The following SH3GL1 variants were observed in gnomAD, a reference collection of about 807,000 sequenced individuals.
SH3GL1 encodes the protein endophilin-A2.
Under a neutral mutation model 48.8 loss-of-function variants are expected in SH3GL1, and 21 were observed. That is an observed-to-expected ratio of 0.43 (90% confidence interval 0.30 to 0.62). SH3GL1 has a LOEUF of 0.62. SH3GL1 is among the 20% of genes least tolerant of loss of function. The pLI is 0.11. For synonymous variants in SH3GL1, 282 were observed against 217.5 expected (o/e 1.30, Z -2.61); for missense variants, 454 against 503.0 (o/e 0.90, Z 0.93).
intron 1 of SH3GL1, among the ~76,000 whole-genome samples, chr19:4,384,467 G>A (rs1162311553): frequency 2.6e-5 from 4 of 152,228 alleles, no homozygotes; most frequent in African/African-American, 9.6e-5. Context: ...GGCTAGGACT[G>A]CTGAAAACCT....
Position 4,363,465 on chromosome 19 carries a change from C to G in SH3GL1, c.633G>C (p.Gln211His). The G allele has an allele frequency of 1.2e-6, 2 of 1,612,096 alleles. No individual in the cohort carries two copies. Among genetic ancestry groups the G allele is most frequent in the Non-Finnish European group, 1.7e-6 (2 of 1,179,396 alleles). Residue 211 changes from glutamine (Q) to histidine (H), a missense_variant, in exon 7 of 10, where the codon CAG (glutamine) becomes CAC (histidine). Around this residue, in one of 2 missense-constraint regions of SH3GL1, gnomAD observed 278 missense variants for 246.8 expected, o/e 1.13. Transcript: ENST00000269886. ...MHNLLETDIE[Q>H]VSQLSALVDA... is the part of the protein sequence containing the mutation. ...CCACCAGGGCCGAGAGCTGACTCAC[C>G]TGCTCGATCTGTGGGGACAGTAGGG...
intron 1 of SH3GL1, among the ~76,000 whole-genome samples, chr19:4,371,924 T>C (rs1162670895): frequency 1.3e-5 from 2 of 152,294 alleles, no homozygotes; most frequent in African/African-American, 2.4e-5. Flanking sequence ...AGCGGAGAAA[T>C]GGCAGGTGGG....
intron 1 of SH3GL1, among the ~76,000 whole-genome samples, chr19:4,383,839 T>C (rs976863253): frequency 1.3e-5 from 2 of 151,902 alleles, no homozygotes; most frequent in African/African-American, 4.8e-5. Flanking sequence ...CGGAACACAA[T>C]GCGAGAGCCG....
intron 1 of SH3GL1, among the ~76,000 whole-genome samples, chr19:4,387,324 G>C (rs928736319): frequency 6.8e-6 from 1 of 146,096 alleles, no homozygotes. Context: ...TTTTAGGCAG[G>C]GTCTTGCTCT....
intron 1 of SH3GL1, among the ~76,000 whole-genome samples, chr19:4,371,970 G>C (rs1340018147): frequency 1.3e-5 from 2 of 152,216 alleles, no homozygotes; most frequent in Non-Finnish European, 2.9e-5. Context: ...CCTGTGACAA[G>C]GCCTCATCTT....
chr19:4,386,817 A>C (rs1348328571), intron 1 of SH3GL1, among the ~76,000 whole-genome samples: 1 of 152,188 alleles, frequency 6.6e-6, no homozygotes, highest in African/African-American at 2.4e-5. Flanking sequence ...GGTGGGCCCC[A>C]AGGGAAAAGG....
At chr19:4,391,366 T>A (rs1876156158) in intron 1 of SH3GL1, among the ~76,000 whole-genome samples, 1 of 152,160 alleles carries the variant, frequency 6.6e-6, no homozygotes, top group African/African-American at 2.4e-5. Flanking sequence ...ACCTGGAATA[T>A]AATTAAGTAC....
chr19:4,370,658 C>T (rs1466065015), intron 1 of SH3GL1, among the ~76,000 whole-genome samples: 1 of 152,258 alleles, frequency 6.6e-6, no homozygotes, highest in Non-Finnish European at 1.5e-5. Context: ...CTGGAACAAA[C>T]AGGCCGAGCC....
At chr19:4,383,830 G>A (rs758398549) in intron 1 of SH3GL1, among the ~76,000 whole-genome samples, 8 of 152,046 alleles carry the variant, frequency 5.3e-5, no homozygotes, top group South Asian at 2.1e-4. Flanking sequence ...GATCCACGCC[G>A]GAACACAATG....
rs1429464774 is a variant in SH3GL1 at position 4,367,200 on chromosome 19, G to A, written c.46-206C>T. ...CAGGGTGGGCCTGCAGGGGGAGGGG[G>A]AGGGTGGGGGTGGCCTGCCCACCTG... On this transcript the variant is annotated intron_variant, in intron 1 of 9. Transcript: ENST00000269886. The surrounding 1 kb of genome is among the most constrained non-coding windows in gnomAD (Gnocchi z 4.2). 1.3e-5 allele frequency among the ~76,000 whole-genome samples: 2 copies of A among 151,820 alleles called. No individual in the cohort carries two copies. The highest frequency in any genetic ancestry group is 2.9e-5 in the Non-Finnish European group (2 of 67,932).
chr19:4,392,228 A>G (rs1973350321), intron 1 of SH3GL1, among the ~76,000 whole-genome samples: 1 of 152,204 alleles, frequency 6.6e-6, no homozygotes, highest in African/African-American at 2.4e-5. Context: ...TATGAACCCC[A>G]TATTTTTGTA....
intron 1 of SH3GL1, among the ~76,000 whole-genome samples, chr19:4,375,939 C>T (rs1972999603): frequency 1.3e-5 from 2 of 152,226 alleles, no homozygotes; most frequent in African/African-American, 4.8e-5. Flanking sequence ...CCCACATGCA[C>T]AGGAACGATA....
Position 4,363,716 on chromosome 19 carries a change from T to G in SH3GL1, c.624+4A>C. 6.2e-7 allele frequency: 1 copy of G among 1,613,038 alleles called. No homozygotes were observed. Among genetic ancestry groups the G allele is most frequent in the Non-Finnish European group, 8.5e-7 (1 of 1,179,964 alleles). Reference sequence around the variant, plus strand: ...CTCAGGATGTGACACCCCGAGCTACTCACGTCAGTCTCCAGGAGGTTGTGC... The same window carrying G: ...CTCAGGATGTGACACCCCGAGCTACGCACGTCAGTCTCCAGGAGGTTGTGC... On this transcript the variant is annotated splice_donor_region_variant and intron_variant, in intron 6 of 9. Coordinates refer to ENST00000269886, the MANE Select transcript of SH3GL1 (RefSeq NM_003025.4).
rs1329193110 is a variant in SH3GL1, at chr19:4,361,577, G to A, written c.*23C>T. 8.4e-6 allele frequency: 13 copies of A among 1,552,064 alleles called. No individual in the cohort carries two copies. The highest frequency in any genetic ancestry group is 1.0e-5 in the Non-Finnish European group (12 of 1,142,942). ...GGGTGCCGGCCAGTGTGGACGGAGG[G>A]GCGGGGCGGGGACACGGGTGAGTCA... On this transcript the variant is annotated 3_prime_UTR_variant, in exon 10 of 10. Coordinates refer to ENST00000269886, the MANE Select transcript of SH3GL1 (RefSeq NM_003025.4).
intron 1 of SH3GL1, among the ~76,000 whole-genome samples, chr19:4,370,064 G>C (rs770690089): frequency 6.6e-6 from 1 of 152,260 alleles, no homozygotes; most frequent in Non-Finnish European, 1.5e-5. Flanking sequence ...GGAGGGGACC[G>C]AGAGTCTGCG....
intron 1 of SH3GL1, among the ~76,000 whole-genome samples, chr19:4,378,097 G>A (rs1420660970): frequency 6.6e-6 from 1 of 152,244 alleles, no homozygotes; most frequent in Non-Finnish European, 1.5e-5. Flanking sequence ...GGGTGGCAGA[G>A]GCAGCACAGG....
intron 1 of SH3GL1, among the ~76,000 whole-genome samples, chr19:4,371,830 A>G (rs898310684): frequency 3.3e-5 from 5 of 152,200 alleles, no homozygotes; most frequent in Non-Finnish European, 5.9e-5. Context: ...CTACAGAGCC[A>G]TCTCCGCGTC....
At chr19:4,371,658 G>A (rs1972904085) in intron 1 of SH3GL1, among the ~76,000 whole-genome samples, 1 of 152,206 alleles carries the variant, frequency 6.6e-6, no homozygotes, top group Non-Finnish European at 1.5e-5. Context: ...CAGAGGGGTC[G>A]GCCCCAGGGT....
At chr19:4,387,353 C>A (rs149577557) in intron 1 of SH3GL1, among the ~76,000 whole-genome samples, 3,193 of 152,264 alleles carry the variant, frequency 0.021, 47 homozygotes, top group Non-Finnish European at 0.035. Context: ...GGCTGGAGGG[C>A]AGCGGCATGA....
Sources: gnomAD v4.1 joint callset for allele counts (sites outside exome capture counted in the v4.1 genomes callset) on GRCh38, gnomAD v4.1.1 for gene constraint, gnomAD v4.1.1 regional missense constraint, Gnocchi (gnomAD v3.1) non-coding constraint, MANE v1.5 for transcripts, NCBI Gene and HGNC (gene_info 2026-07-23, HGNC 2026-07-21) for gene names.